RAPGEF4: variants seen among roughly 807,000 people sequenced by gnomAD.
RAPGEF4 encodes the protein Rap guanine nucleotide exchange factor 4, also known as RAP guanine-nucleotide-exchange factor (GEF) 4.
A neutral mutation model predicts 147.9 loss-of-function variants in RAPGEF4; 66 were observed. That is an observed-to-expected ratio of 0.45 (90% confidence interval 0.37 to 0.55). The LOEUF (loss-of-function observed/expected upper bound fraction) is 0.55. Among genes scored for constraint, RAPGEF4 ranks in the 20% least tolerant of loss-of-function variants. The probability of loss-of-function intolerance (pLI) is 0.00; values close to 1 mark genes in which losing one functional copy is unlikely to be tolerated. For synonymous variants in RAPGEF4, 419 were observed against 442.7 expected, an observed-to-expected ratio of 0.95 and a Z score of 0.67; for missense variants, 1,071 against 1,257.3, an observed-to-expected ratio of 0.85 and a Z score of 2.24.
intron 4 of RAPGEF4, among the ~76,000 whole-genome samples, chr2:172,871,718 C>G (rs1695264642): frequency 6.7e-6 from 1 of 150,358 alleles, no homozygotes; most frequent in Non-Finnish European, 1.5e-5. Context: ...AATGACCAGC[C>G]AAAGGAAGTA....
intron 1 of RAPGEF4, among the ~76,000 whole-genome samples, chr2:172,755,916 A>G (rs567287418): frequency 3.3e-5 from 5 of 152,228 alleles, no homozygotes; most frequent in Admixed American, 6.5e-5. Context: ...GTGTAGTTCT[A>G]TGTAATTTCA....
chr2:173,044,918 A>T (rs2012214), intron 29 of RAPGEF4, among the ~76,000 whole-genome samples: 5 of 151,866 alleles, frequency 3.3e-5, no homozygotes, highest in South Asian at 2.1e-4. Flanking sequence ...ACACTCCCCC[A>T]CTCCGGCCTG....
At position 173,027,136 on chromosome 2, in the gene RAPGEF4, A is replaced by G; in HGVS notation, c.2435A>G (p.Asn812Ser). ...CATAATTTTAAAAAGACCACAGCAAACTTGGATTTGTTCCTGAGGAGATTT... is the reference window on the plus strand; with the variant it reads ...CATAATTTTAAAAAGACCACAGCAAGCTTGGATTTGTTCCTGAGGAGATTT... ...GRHNFKKTTA[N>S]LDLFLRRFNE... Residue 812 changes from asparagine (N) to serine (S), a missense_variant, in exon 25 of 31, where the codon AAC becomes AGC. Transcript: ENST00000397081. The G allele has an allele frequency of 6.2e-7, 1 of 1,613,192 alleles. No individual in the cohort carries two copies. Among genetic ancestry groups the G allele is most frequent in the Middle Eastern group, 1.7e-4 (1 of 6,058 alleles).
chr2:172,965,688 G>T lies in RAPGEF4; in HGVS notation c.820+5G>T, dbSNP rs767077364. On this transcript the variant is annotated splice_donor_5th_base_variant and intron_variant, in intron 9 of 30. Transcript: ENST00000397081. ...AAGATGGTGTTCTCAACCACGGTAA[G>T]ATGAGCCCCAGTCCCTGGAAACCTC... 1.9e-6 allele frequency: 3 copies of T among 1,614,048 alleles called. No homozygotes were observed. The highest frequency in any genetic ancestry group is 2.7e-5 in the African/African-American group (2 of 74,928).
intron 10 of RAPGEF4, among the ~76,000 whole-genome samples, chr2:172,974,647 C>T (rs1368067058): frequency 6.6e-6 from 1 of 152,172 alleles, no homozygotes; most frequent in East Asian, 1.9e-4. Flanking sequence ...CATCTCACTG[C>T]TCTCCAGCCT....
At chr2:172,931,180 G>C (rs1303026498) in intron 6 of RAPGEF4, among the ~76,000 whole-genome samples, 1 of 106,356 alleles carries the variant, frequency 9.4e-6, no homozygotes, top group Non-Finnish European at 2.0e-5. Context: ...GGTGGGGGGG[G>C]GGGGCGCTGG....
chr2:173,017,443 A>G lies in RAPGEF4; in HGVS notation c.1947A>G (p.Gln649=). 6.2e-7 allele frequency: 1 copy of G among 1,614,192 alleles called. No individual in the cohort carries two copies. Among genetic ancestry groups the G allele is most frequent in the Non-Finnish European group, 8.5e-7 (1 of 1,180,026 alleles). Reference sequence around the variant, plus strand: ...TTTTACAGCACAAGGTTCTTTTGCAACAGTTCAATACGGGCGATGAGAGAG... The same window carrying G: ...TTTTACAGCACAAGGTTCTTTTGCAGCAGTTCAATACGGGCGATGAGAGAG... ...APQKKHKVLL[Q]QFNTGDERAQ... is the part of the protein sequence containing the mutation. Residue 649 remains glutamine (Q), a synonymous_variant, in exon 21 of 31, where the codon CAA becomes CAG. Coordinates refer to ENST00000397081, the MANE Select transcript of RAPGEF4 (RefSeq NM_007023.4).
chr2:172,755,965 T>C (rs7570254), intron 1 of RAPGEF4, among the ~76,000 whole-genome samples: 4,392 of 152,280 alleles, frequency 0.029, 191 homozygotes, highest in African/African-American at 0.093. Flanking sequence ...ATACTCAAGA[T>C]GCTGAACTGC....
At chr2:172,939,339 A>G (rs1175514643) in intron 6 of RAPGEF4, among the ~76,000 whole-genome samples, 7 of 152,170 alleles carry the variant, frequency 4.6e-5, no homozygotes, top group Admixed American at 6.5e-5. Context: ...TCAGTTTTTT[A>G]AAGCCATTCT....
At chr2:173,038,585 C>T (rs559606703) in intron 29 of RAPGEF4, among the ~76,000 whole-genome samples, 6 of 152,116 alleles carry the variant, frequency 3.9e-5, no homozygotes, top group South Asian at 2.1e-4. Flanking sequence ...CAGGGCCTGT[C>T]GGAGGTTGGG....
chr2:172,743,738 T>C (rs1694518596), intron 1 of RAPGEF4, among the ~76,000 whole-genome samples: 1 of 152,066 alleles, frequency 6.6e-6, no homozygotes, highest in Non-Finnish European at 1.5e-5. Context: ...GCTTTACCCG[T>C]GTATTTGATT....
At chr2:172,779,706 A>G (rs1405584417) in intron 1 of RAPGEF4, among the ~76,000 whole-genome samples, 1 of 152,184 alleles carries the variant, frequency 6.6e-6, no homozygotes, top group African/African-American at 2.4e-5. Flanking sequence ...TCCAAGGATA[A>G]TAAATAGACT....
intron 3 of RAPGEF4, among the ~76,000 whole-genome samples, chr2:172,810,441 C>T (rs1404966095): frequency 6.6e-6 from 1 of 152,364 alleles, no homozygotes; most frequent in Non-Finnish European, 1.5e-5. Context: ...CACACACATG[C>T]AGATCAACAT....
intron 22 of RAPGEF4, among the ~76,000 whole-genome samples, chr2:173,020,367 C>G (rs758230734): frequency 6.6e-6 from 1 of 152,160 alleles, no homozygotes; most frequent in Non-Finnish European, 1.5e-5. Context: ...GGTTGCAGCA[C>G]AAAACTGGGT....
intron 17 of RAPGEF4, among the ~76,000 whole-genome samples, chr2:173,013,663 C>G (rs1353834404): frequency 6.6e-6 from 1 of 152,152 alleles, no homozygotes; most frequent in African/African-American, 2.4e-5. Flanking sequence ...ATAGGAGACT[C>G]TCAATCAGTA....
At chr2:172,738,383 A>G (rs1694004588) in intron 1 of RAPGEF4, among the ~76,000 whole-genome samples, 1 of 152,314 alleles carries the variant, frequency 6.6e-6, no homozygotes, top group African/African-American at 2.4e-5. Flanking sequence ...GGACGGCTCT[A>G]TAAACAGCTA....
chr2:173,044,004 C>T (rs759123977), intron 29 of RAPGEF4, among the ~76,000 whole-genome samples: 1 of 152,066 alleles, frequency 6.6e-6, no homozygotes, highest in Non-Finnish European at 1.5e-5. Flanking sequence ...AGCGAGCTGA[C>T]AATGAAAGAC....
At chr2:173,013,919 A>G (rs912398989) in intron 17 of RAPGEF4, among the ~76,000 whole-genome samples, 2 of 151,978 alleles carry the variant, frequency 1.3e-5, no homozygotes, top group African/African-American at 2.4e-5. Context: ...TCCTCTTCCT[A>G]CCTCTGGGTG....
At chr2:172,832,603 G>A (rs1292855289) in intron 4 of RAPGEF4, among the ~76,000 whole-genome samples, 1 of 152,138 alleles carries the variant, frequency 6.6e-6, no homozygotes, top group East Asian at 1.9e-4. Flanking sequence ...CTTACATGCA[G>A]AATGACCCAA....
Sources: gnomAD v4.1 joint callset for allele counts (sites outside exome capture counted in the v4.1 genomes callset) on GRCh38, gnomAD v4.1.1 for gene constraint, MANE v1.5 for transcripts, NCBI Gene and HGNC (gene_info 2026-07-23, HGNC 2026-07-21) for gene names.